Variants in CNOT2 observed in about 807,000 individuals in gnomAD.
CNOT2 encodes CC chemokine receptor 4-negative regulator of transcription 2.
In CNOT2, 7 loss-of-function variants were observed where a neutral mutation model predicts 72.1. That is an observed-to-expected ratio of 0.10 (90% confidence interval 0.06 to 0.18). The LOEUF is 0.18. Ranked by LOEUF, CNOT2 falls within the 10% of genes least tolerant of loss-of-function variation. The probability of loss-of-function intolerance (pLI) is 1.00; values close to 1 mark genes in which losing one functional copy is unlikely to be tolerated. For synonymous variants in CNOT2, 196 were observed against 225.6 expected, an observed-to-expected ratio of 0.87 and a Z score of 1.17; for missense variants, 345 against 660.3, an observed-to-expected ratio of 0.52 and a Z score of 5.23.
intron 2 of CNOT2, among the ~76,000 whole-genome samples, chr12:70,287,206 C>T (rs1184993097): frequency 9.6e-6 from 1 of 104,658 alleles, no homozygotes; most frequent in African/African-American, 3.7e-5. Context: ...ATAATGCTAC[C>T]TTATATATTT....
At chr12:70,258,328 AT>A (rs1565734451) in intron 1 of CNOT2, among the ~76,000 whole-genome samples, 2 of 152,174 alleles carry the variant, frequency 1.3e-5, no homozygotes, top group Non-Finnish European at 2.9e-5. Context: ...GTTTAAAAGA[AT>A]TTTTGCCTAA....
intron 2 of CNOT2, among the ~76,000 whole-genome samples, chr12:70,308,584 T>TCTCTCTCTCACACACA (rs550679130): frequency 1.5e-5 from 2 of 133,240 alleles, no homozygotes; most frequent in Non-Finnish European, 1.7e-5. Flanking sequence ...TCTCTCTCTC[T>TCTCTCTCTCACACACA]CACACACACA....
intron 1 of CNOT2, among the ~76,000 whole-genome samples, chr12:70,254,593 T>A (rs761030664): frequency 6.6e-6 from 1 of 152,234 alleles, no homozygotes; most frequent in Non-Finnish European, 1.5e-5. Flanking sequence ...CTGTAGTTTC[T>A]TAAGTTGTAT....
At chr12:70,297,768 C>T (rs1395215984) in intron 2 of CNOT2, 1 of 367,740 alleles carries the variant, frequency 2.7e-6, no homozygotes. Context: ...GACGTGGTCT[C>T]ACTCTGTCAC....
intron 1 of CNOT2, among the ~76,000 whole-genome samples, chr12:70,269,675 C>A (rs1302413421): frequency 3.3e-5 from 5 of 152,120 alleles, no homozygotes; most frequent in African/African-American, 1.2e-4. Context: ...TAACAAAAAT[C>A]ATCACAGGTG....
chr12:70,305,242 T>C (rs999002106), intron 2 of CNOT2, among the ~76,000 whole-genome samples: 1 of 152,168 alleles, frequency 6.6e-6, no homozygotes, highest in Non-Finnish European at 1.5e-5. Flanking sequence ...AATGCAGAAA[T>C]CACCCATCTT....
Position 70,303,967 on chromosome 12 carries a change from C to T in CNOT2, c.49-6928C>T, listed in dbSNP as rs73591049. 4.7e-3 allele frequency among the ~76,000 whole-genome samples: 715 copies of T among 152,304 alleles called. 6 individuals are homozygous for T. Among genetic ancestry groups the T allele is most frequent in the African/African-American group, 0.015 (639 of 41,558 alleles). ...GCATTTCATTCATTTCGTCTTCCAT[C>T]GCTGATACCCTTTCTTCCAGCTGAT... On this transcript the variant is annotated intron_variant, in intron 2 of 15. Coordinates refer to ENST00000229195, the MANE Select transcript of CNOT2 (RefSeq NM_014515.7).
rs75741714 is a variant in CNOT2 at position 70,255,136 on chromosome 12, C to T, written c.-96+11656C>T. On this transcript the variant is annotated intron_variant, in intron 1 of 15. Transcript: ENST00000229195. ...ATTGAGTATTTTTGCATGCTGAGGT[C>T]CTGATGCTTTCTCTATGTATCTATA... Among the ~76,000 whole-genome samples the T allele has an allele frequency of 6.4e-3, 970 of 151,708 alleles. 11 individuals are homozygous for T. The highest frequency in any genetic ancestry group is 0.022 in the African/African-American group (897 of 41,204).
At chr12:70,337,790 A>G (rs1325130346) in intron 9 of CNOT2, 10 of 491,666 alleles carry the variant, frequency 2.0e-5, no homozygotes, top group African/African-American at 3.9e-5. Context: ...GTTTGATAAT[A>G]TAGCCTTCTA....
At chr12:70,309,032 G>A (rs1245029060) in intron 2 of CNOT2, among the ~76,000 whole-genome samples, 1 of 152,084 alleles carries the variant, frequency 6.6e-6, no homozygotes, top group Non-Finnish European at 1.5e-5. Context: ...TATGTGTAGT[G>A]AATCTTAATT....
intron 1 of CNOT2, among the ~76,000 whole-genome samples, chr12:70,269,453 G>C (rs936678016): frequency 2.0e-5 from 3 of 151,988 alleles, no homozygotes; most frequent in South Asian, 2.1e-4. Flanking sequence ...TAGTTTACAT[G>C]TGCAAAATTA....
chr12:70,248,235 C>T (rs1957976279), intron 1 of CNOT2, among the ~76,000 whole-genome samples: 1 of 152,132 alleles, frequency 6.6e-6, no homozygotes, highest in South Asian at 2.1e-4. Context: ...CTTTTTCCTC[C>T]TAATGCCTGG....
At chr12:70,278,373 A>G in intron 2 of CNOT2, 99 bp downstream of exon 2, 2 of 751,114 alleles carry the variant, frequency 2.7e-6, no homozygotes, top group Non-Finnish European at 4.3e-6. Flanking sequence ...AATTGGTTAC[A>G]CCTCAATTTG....
intron 2 of CNOT2, among the ~76,000 whole-genome samples, chr12:70,300,779 G>T (rs528113243): frequency 3.3e-5 from 5 of 152,246 alleles, no homozygotes; most frequent in African/African-American, 1.2e-4. Flanking sequence ...AGCTTGATGG[G>T]GATGGCATTG....
At chr12:70,290,271 A>G (rs1238351517) in intron 2 of CNOT2, among the ~76,000 whole-genome samples, 1 of 149,948 alleles carries the variant, frequency 6.7e-6, no homozygotes, top group African/African-American at 2.5e-5. Context: ...CCTTCCATGC[A>G]TGTGCTAATC....
At chr12:70,248,844 T>C (rs1432044934) in intron 1 of CNOT2, among the ~76,000 whole-genome samples, 4 of 152,110 alleles carry the variant, frequency 2.6e-5, no homozygotes, top group African/African-American at 9.7e-5. Context: ...ACCAGTCCTT[T>C]CTCTGCCTTT....
At chr12:70,251,080 G>A (rs1227723121) in intron 1 of CNOT2, among the ~76,000 whole-genome samples, 2 of 152,166 alleles carry the variant, frequency 1.3e-5, no homozygotes, top group Admixed American at 6.5e-5. Context: ...TAATTCATGT[G>A]TTTATGTAGA....
intron 2 of CNOT2, among the ~76,000 whole-genome samples, chr12:70,304,120 G>A (rs1874722573): frequency 1.3e-5 from 2 of 151,820 alleles, no homozygotes; most frequent in South Asian, 2.1e-4. Context: ...TTTTTTCAAG[G>A]TTTTTAACTT....
intron 6 of CNOT2, 151 bp downstream of exon 6, chr12:70,330,620 C>T: frequency 2.2e-6 from 1 of 462,680 alleles, no homozygotes; most frequent in Non-Finnish European, 3.8e-6. Context: ...TTACCCATCA[C>T]AAAACGATAC....
Sources: gnomAD v4.1 joint callset for allele counts (sites outside exome capture counted in the v4.1 genomes callset) on GRCh38, gnomAD v4.1.1 for gene constraint, MANE v1.5 for transcripts, NCBI Gene and HGNC (gene_info 2026-07-23, HGNC 2026-07-21) for gene names.